The following CHODL variants were observed in gnomAD, a reference collection of about 807,000 sequenced individuals.
CHODL encodes the protein transmembrane protein MT75.
A neutral mutation model predicts 34.5 loss-of-function variants in CHODL; 29 were observed. That is an observed-to-expected ratio of 0.84 (90% CI 0.63 to 1.15). The LOEUF is 1.15. Among genes scored for constraint, CHODL ranks in the 50% most tolerant of loss-of-function variants. The pLI, the probability that CHODL is intolerant of heterozygous loss-of-function variation, is 0.00. For missense variants in CHODL, 332 were observed against 332.5 expected, an observed-to-expected ratio of 1.00 and a Z score of 0.01; for synonymous variants, 125 against 116.1, an observed-to-expected ratio of 1.08 and a Z score of -0.49.
chr21:18,206,802 A>G (rs567987559), intron 2 of CHODL, among the ~76,000 whole-genome samples: 1 of 150,446 alleles, frequency 6.6e-6, no homozygotes, highest in South Asian at 2.1e-4. Context: ...TTTTTTGTCT[A>G]TACATTGTAT....
intron 2 of CHODL, among the ~76,000 whole-genome samples, chr21:18,149,295 A>C (rs73314523): frequency 0.049 from 7,460 of 152,206 alleles, 557 homozygotes; most frequent in African/African-American, 0.17. Flanking sequence ...CCTCACACAC[A>C]CACTCCTGAT....
At chr21:18,252,083 T>G (rs994787371) in intron 1 of CHODL, among the ~76,000 whole-genome samples, 3 of 152,120 alleles carry the variant, frequency 2.0e-5, no homozygotes, top group African/African-American at 7.2e-5. Context: ...ATCTTGAATT[T>G]TATTTTCTCA....
chr21:18,197,297 CAT>C (rs1181207783), intron 2 of CHODL, among the ~76,000 whole-genome samples: 1 of 152,066 alleles, frequency 6.6e-6, no homozygotes, highest in Non-Finnish European at 1.5e-5. Flanking sequence ...CTCAATTTAA[CAT>C]AGTGCCAATT....
At chr21:17,963,123 A>C (rs774325725) in intron 1 of CHODL, among the ~76,000 whole-genome samples, 2 of 152,002 alleles carry the variant, frequency 1.3e-5, no homozygotes, top group Non-Finnish European at 2.9e-5. Context: ...ATAGTCAAGT[A>C]ATTCTTCCCA....
chr21:18,010,138 A>C (rs1411115934), intron 1 of CHODL, among the ~76,000 whole-genome samples: 2 of 145,158 alleles, frequency 1.4e-5, no homozygotes, highest in Non-Finnish European at 3.0e-5. Context: ...AAAAAAAAAA[A>C]AAAAAAAAAA....
chr21:17,974,887 A>G (rs1045274270), intron 1 of CHODL, among the ~76,000 whole-genome samples: 1 of 149,694 alleles, frequency 6.7e-6, no homozygotes, highest in Non-Finnish European at 1.5e-5. Flanking sequence ...TTTTATAAAA[A>G]GACATTAATT....
At chr21:18,219,671 A>G (rs1414688303) in intron 2 of CHODL, among the ~76,000 whole-genome samples, 1 of 151,992 alleles carries the variant, frequency 6.6e-6, no homozygotes. Flanking sequence ...TATTTCCATG[A>G]TTATTAGGGA....
intron 2 of CHODL, among the ~76,000 whole-genome samples, chr21:18,095,792 A>G (rs2065132482): frequency 6.6e-6 from 1 of 152,218 alleles, no homozygotes; most frequent in South Asian, 2.1e-4. Context: ...ATACTTTGTA[A>G]AGATTATTTA....
At chr21:17,936,736 C>T (rs1365824948) in intron 1 of CHODL, among the ~76,000 whole-genome samples, 3 of 152,042 alleles carry the variant, frequency 2.0e-5, no homozygotes, top group Non-Finnish European at 4.4e-5. Flanking sequence ...AGAACATACA[C>T]GGAGGGGTAA....
chr21:17,970,233 T>A (rs544739339), intron 1 of CHODL, among the ~76,000 whole-genome samples: 1 of 152,322 alleles, frequency 6.6e-6, no homozygotes, highest in Non-Finnish European at 1.5e-5. Flanking sequence ...GGGAAGGTAG[T>A]AAGCCCTTTG....
At chr21:18,203,248 C>A (rs67912952) in intron 2 of CHODL, among the ~76,000 whole-genome samples, 12,138 of 152,118 alleles carry the variant, frequency 0.08, 622 homozygotes, top group African/African-American at 0.14. Flanking sequence ...TCTGTAGGAA[C>A]CATTTGAGTA....
At chr21:18,103,084 A>G (rs1462126824) in intron 2 of CHODL, among the ~76,000 whole-genome samples, 2 of 152,228 alleles carry the variant, frequency 1.3e-5, no homozygotes, top group African/African-American at 4.8e-5. Flanking sequence ...TATGCATTTT[A>G]GAGCAGGGAA....
At chr21:18,127,035 G>A (rs1200056173) in intron 2 of CHODL, among the ~76,000 whole-genome samples, 3 of 152,048 alleles carry the variant, frequency 2.0e-5, no homozygotes, top group African/African-American at 4.8e-5. Flanking sequence ...TATCCTTCGC[G>A]TCAGTCATCA....
intron 2 of CHODL, among the ~76,000 whole-genome samples, chr21:18,109,321 C>G (rs1471945407): frequency 6.6e-6 from 1 of 152,008 alleles, no homozygotes; most frequent in Non-Finnish European, 1.5e-5. Context: ...AGCTTTTCTC[C>G]CAGTGAGAAT....
At chr21:18,085,291 A>G (rs943089624) in intron 2 of CHODL, among the ~76,000 whole-genome samples, 18 of 152,082 alleles carry the variant, frequency 1.2e-4, no homozygotes, top group Non-Finnish European at 2.5e-4. Flanking sequence ...TTCAAGGTTA[A>G]TATTAACAGG....
chr21:17,949,216 T>G (rs2063436692), intron 1 of CHODL, among the ~76,000 whole-genome samples: 1 of 152,142 alleles, frequency 6.6e-6, no homozygotes, highest in African/African-American at 2.4e-5. Flanking sequence ...CAGCTCTCAG[T>G]TGTAATCTAA....
intron 1 of CHODL, among the ~76,000 whole-genome samples, chr21:17,993,804 C>T (rs2063821724): frequency 1.3e-5 from 2 of 152,172 alleles, no homozygotes; most frequent in Non-Finnish European, 2.9e-5. Flanking sequence ...CTGTTTTCAA[C>T]AATGATTGAA....
chr21:18,017,037 T>C (rs2053286148), intron 1 of CHODL, among the ~76,000 whole-genome samples: 1 of 152,270 alleles, frequency 6.6e-6, no homozygotes, highest in Admixed American at 6.5e-5. Flanking sequence ...TAACTTGCTT[T>C]TGATTTTACA....
chr21:18,177,275 G>A (rs2146670417), intron 2 of CHODL, among the ~76,000 whole-genome samples: 1 of 152,012 alleles, frequency 6.6e-6, no homozygotes. Context: ...CCTATTTTGT[G>A]GTTTAGTAAA....
Sources: allele counts gnomAD v4.1 joint callset (sites outside exome capture counted in the v4.1 genomes callset), GRCh38; gene constraint gnomAD v4.1.1; transcripts MANE v1.5; gene names NCBI Gene and HGNC (gene_info 2026-07-23, HGNC 2026-07-21).